The following CHN2 variants were observed in gnomAD, a reference collection of about 807,000 sequenced individuals.
The protein encoded by CHN2 is chimerin 2.
In CHN2, 35 loss-of-function variants were observed where a neutral mutation model predicts 56.3. The ratio of observed to expected loss-of-function variants is 0.62; its 90% CI spans 0.47 to 0.82. The LOEUF is 0.82. Among genes scored for constraint, CHN2 ranks in the 40% least tolerant of loss-of-function variants. The pLI is 0.00. For missense variants in CHN2, 491 were observed against 580.5 expected (o/e 0.85, Z 1.58); for synonymous variants, 210 against 212.8 (o/e 0.99, Z 0.12).
At chr7:29,382,176 A>G (rs921552352) in intron 3 of CHN2, among the ~76,000 whole-genome samples, 6 of 152,244 alleles carry the variant, frequency 3.9e-5, no homozygotes, top group Admixed American at 1.3e-4. Context: ...TATTGTTGTT[A>G]TTAGGCTCTG....
intron 6 of CHN2, among the ~76,000 whole-genome samples, chr7:29,417,579 T>C (rs1803901881): frequency 6.6e-6 from 1 of 152,176 alleles, no homozygotes; most frequent in South Asian, 2.1e-4. Flanking sequence ...GCAGAAAACC[T>C]AGAAGTTATT....
At chr7:29,343,237 A>G (rs1197656276) in intron 1 of CHN2, among the ~76,000 whole-genome samples, 2 of 152,206 alleles carry the variant, frequency 1.3e-5, no homozygotes, top group African/African-American at 4.8e-5. Context: ...CCACCAGGAA[A>G]GCATCTCCAG....
At chr7:29,151,441 A>G (rs2128692649) in intron 2 of CHN2, among the ~76,000 whole-genome samples, 1 of 152,310 alleles carries the variant, frequency 6.6e-6, no homozygotes, top group East Asian at 1.9e-4. Flanking sequence ...AGCCAGGCAA[A>G]TAAGACTTCG....
At chr7:29,467,220 GT>G (rs1785618710) in intron 6 of CHN2, among the ~76,000 whole-genome samples, 1 of 152,152 alleles carries the variant, frequency 6.6e-6, no homozygotes, top group Non-Finnish European at 1.5e-5. Flanking sequence ...TAGAAATTGA[GT>G]TACTGAATCT....
chr7:29,264,012 C>G (rs1403211347), intron 1 of CHN2, among the ~76,000 whole-genome samples: 1 of 150,416 alleles, frequency 6.6e-6, no homozygotes, highest in Non-Finnish European at 1.5e-5. Context: ...CATCCGGGAG[C>G]TGGGGGGCAG....
At chr7:29,318,035 G>A (rs1296164246) in intron 1 of CHN2, among the ~76,000 whole-genome samples, 1 of 152,174 alleles carries the variant, frequency 6.6e-6, no homozygotes, top group Non-Finnish European at 1.5e-5. Context: ...ACTGTAGGAT[G>A]CCAGGGTGGA....
At chr7:29,263,218 C>A (rs1022354975) in intron 1 of CHN2, among the ~76,000 whole-genome samples, 1 of 152,180 alleles carries the variant, frequency 6.6e-6, no homozygotes, top group Non-Finnish European at 1.5e-5. Flanking sequence ...TTGGTGGAGA[C>A]GGGGTTTCGC....
At chr7:29,195,028 G>T in intron 1 of CHN2, 38 bp downstream of exon 1, 1 of 1,575,984 alleles carries the variant, frequency 6.3e-7, no homozygotes, top group Non-Finnish European at 8.6e-7. Flanking sequence ...GCCGCGCCGG[G>T]TCTCGCCCCA....
chr7:29,345,086 C>T (rs1797322397), intron 1 of CHN2, among the ~76,000 whole-genome samples: 1 of 152,198 alleles, frequency 6.6e-6, no homozygotes, highest in South Asian at 2.1e-4. Flanking sequence ...AGCCTGGGCT[C>T]CCCTCTCCAG....
chr7:29,338,168 G>C (rs1437056145), intron 1 of CHN2, among the ~76,000 whole-genome samples: 5 of 152,162 alleles, frequency 3.3e-5, no homozygotes, highest in South Asian at 2.1e-4. Context: ...AATATGGTAG[G>C]TCAGTCTTCC....
At chr7:29,177,702 TCATCCATC>T (rs993855741) in intron 2 of CHN2, among the ~76,000 whole-genome samples, 3 of 151,910 alleles carry the variant, frequency 2.0e-5, no homozygotes, top group Non-Finnish European at 2.9e-5. Context: ...ATCTGTGCAG[TCATCCATC>T]CATCCATCCA....
At chr7:29,415,140 C>T (rs998275938) in intron 6 of CHN2, among the ~76,000 whole-genome samples, 10 of 152,302 alleles carry the variant, frequency 6.6e-5, no homozygotes, top group African/African-American at 2.4e-4. Context: ...ACGACTAGCT[C>T]GGGATGGGCC....
intron 7 of CHN2, among the ~76,000 whole-genome samples, chr7:29,490,207 T>C (rs759642133): frequency 2.8e-4 from 42 of 152,104 alleles, no homozygotes; most frequent in South Asian, 1.0e-3. Flanking sequence ...TGTTTTCTCT[T>C]CTGTAAATGT....
At chr7:29,474,763 T>A (rs1268901189) in intron 6 of CHN2, among the ~76,000 whole-genome samples, 1 of 152,236 alleles carries the variant, frequency 6.6e-6, no homozygotes, top group Non-Finnish European at 1.5e-5. Context: ...AGAGCCCTCC[T>A]TAAAATGTAG....
At chr7:29,245,811 T>C (rs1338612477) in intron 1 of CHN2, among the ~76,000 whole-genome samples, 1 of 152,140 alleles carries the variant, frequency 6.6e-6, no homozygotes, top group Non-Finnish European at 1.5e-5. Flanking sequence ...TTTACTCCGC[T>C]CTTCAGGCCA....
intron 1 of CHN2, among the ~76,000 whole-genome samples, chr7:29,196,134 G>A (rs1234764090): frequency 1.3e-5 from 2 of 152,182 alleles, no homozygotes; most frequent in African/African-American, 2.4e-5. Context: ...GCATTGGATA[G>A]CAAGCAGGGC....
At chr7:29,301,626 C>T (rs193137021) in intron 1 of CHN2, among the ~76,000 whole-genome samples, 29 of 152,218 alleles carry the variant, frequency 1.9e-4, no homozygotes, top group African/African-American at 6.3e-4. Flanking sequence ...CTTGGCTGGG[C>T]GACCTTAGCA....
intron 12 of CHN2, among the ~76,000 whole-genome samples, chr7:29,510,198 T>TAAAC (rs1015036071): frequency 1.3e-5 from 2 of 152,186 alleles, no homozygotes; most frequent in African/African-American, 4.8e-5. Flanking sequence ...CTTAAAACTG[T>TAAAC]AAACATTTAT....
intron 1 of CHN2, among the ~76,000 whole-genome samples, chr7:29,328,338 G>C (rs576597122): frequency 6.6e-6 from 1 of 152,262 alleles, no homozygotes; most frequent in Non-Finnish European, 1.5e-5. Flanking sequence ...CTAGTTCAAA[G>C]TCTTTTTTTC....
Sources: gnomAD v4.1 joint callset for allele counts (sites outside exome capture counted in the v4.1 genomes callset) on GRCh38, gnomAD v4.1.1 for gene constraint, MANE v1.5 for transcripts, NCBI Gene and HGNC (gene_info 2026-07-23, HGNC 2026-07-21) for gene names.